SHCBP1: variants seen among roughly 807,000 people sequenced by gnomAD.
The protein encoded by SHCBP1 is SHC binding and spindle associated 1.
SHCBP1 carries 60 observed loss-of-function variants against 75.1 expected under a neutral mutation model. That is an observed-to-expected ratio of 0.80 (90% CI 0.65 to 0.99). The LOEUF (loss-of-function observed/expected upper bound fraction) is 0.99. Among genes scored for constraint, SHCBP1 ranks in the 50% least tolerant of loss-of-function variants. The probability of loss-of-function intolerance (pLI) is 0.00; values close to 1 mark genes in which losing one functional copy is unlikely to be tolerated. For synonymous variants in SHCBP1, 290 were observed against 293.2 expected (o/e 0.99, Z 0.11); for missense variants, 709 against 809.4 (o/e 0.88, Z 1.50).
At chr16:46,615,712 C>A (rs1265518307) in intron 4 of SHCBP1, among the ~76,000 whole-genome samples, 2 of 151,810 alleles carry the variant, frequency 1.3e-5, no homozygotes, top group Non-Finnish European at 2.9e-5. Context: ...TGCACTCCAG[C>A]CTGGACAACA....
At chr16:46,609,960 T>G (rs1282999624) in intron 4 of SHCBP1, among the ~76,000 whole-genome samples, 1 of 151,560 alleles carries the variant, frequency 6.6e-6, no homozygotes, top group Non-Finnish European at 1.5e-5. Flanking sequence ...TTGGATTTTT[T>G]TTTTTTTCAG....
intron 7 of SHCBP1, 77 bp from the exon 8 acceptor site, chr16:46,603,736 T>C (rs1965280085): frequency 1.3e-6 from 2 of 1,568,762 alleles, no homozygotes; most frequent in South Asian, 2.3e-5. Flanking sequence ...GGTGACTTCA[T>C]GTCTTACTTT....
rs992911878 is a variant in SHCBP1 at position 46,617,730 on chromosome 16, C to G, written c.291G>C (p.Glu97Asp). 5 of 1,612,480 alleles carry G rather than the reference C, an allele frequency of 3.1e-6. No individual in the cohort carries two copies. The African/African-American group carries it at 5.3e-5, about 17-fold the overall frequency. Residue 97 changes from glutamate (E) to aspartate (D), a missense_variant, in exon 3 of 13, where the codon GAG becomes GAC. By Grantham distance (45) the Glu-to-Asp change is conservative. Coordinates refer to ENST00000303383, the MANE Select transcript of SHCBP1 (RefSeq NM_024745.5). Reference protein sequence around the residue: ...DYILADCKASEVQEFTAEFLE... With the variant: ...DYILADCKASDVQEFTAEFLE... ...AGAACTCAGCTGTGAATTCCTGTAC[C>G]TCAGAGGCCTTGCAGTCAGCTACAA...
At chr16:46,587,262 C>A (rs1287254747) in intron 10 of SHCBP1, among the ~76,000 whole-genome samples, 1 of 152,050 alleles carries the variant, frequency 6.6e-6, no homozygotes, top group African/African-American at 2.4e-5. Context: ...ATATAATATA[C>A]AACCTAGGGC....
chr16:46,582,416 A>G (rs1212159328), intron 12 of SHCBP1, among the ~76,000 whole-genome samples: 1 of 152,238 alleles, frequency 6.6e-6, no homozygotes, highest in Non-Finnish European at 1.5e-5. Context: ...TAAATGGCAG[A>G]AGAATTTTGC....
At chr16:46,601,902 C>A (rs760014582) in intron 8 of SHCBP1, among the ~76,000 whole-genome samples, 18 of 152,136 alleles carry the variant, frequency 1.2e-4, no homozygotes, top group Non-Finnish European at 2.5e-4. Context: ...ACTATTGACA[C>A]CCTGCACATA....
In SHCBP1 at chr16:46,581,400, C is replaced by T. The variant is rs1596665946; in HGVS notation, c.*329G>A. 3.9e-6 allele frequency: 1 copy of T among 258,774 alleles called. No homozygotes were observed. Among genetic ancestry groups the T allele is most frequent in the East Asian group, 9.8e-5 (1 of 10,184 alleles). The allele number at this position is 258,774 out of a possible 1,614,324, so 16.0% of individuals were successfully genotyped here. A position where few individuals can be genotyped will look rare whatever the true frequency, so the allele number is the denominator to read the frequency against. ...TATGCACTAGTCTTGCATTCCCTTC[C>T]TTACTTCCTCGTCTTTGAAGTGCTA... On this transcript the variant is annotated 3_prime_UTR_variant, in exon 13 of 13. Coordinates refer to ENST00000303383, the MANE Select transcript of SHCBP1 (RefSeq NM_024745.5).
rs1418884156 is a variant in SHCBP1 at position 46,581,667 on chromosome 16, A to G, written c.*62T>C. On this transcript the variant is annotated 3_prime_UTR_variant, in exon 13 of 13. Coordinates refer to ENST00000303383, the MANE Select transcript of SHCBP1 (RefSeq NM_024745.5). ...CAATACAGCAAACTACAATGGCAGC[A>G]GTGATTCTTAGGGCAGCATGTGCAA... The G allele has an allele frequency of 4.3e-5, 60 of 1,388,198 alleles. No homozygotes were observed. Among genetic ancestry groups the G allele is most frequent in the Non-Finnish European group, 5.8e-5 (58 of 999,512 alleles). The allele number at this position is 1,388,198 out of a possible 1,614,324, so 86.0% of individuals were successfully genotyped here. A position where few individuals can be genotyped will look rare whatever the true frequency, so the allele number is the denominator to read the frequency against.
intron 10 of SHCBP1, among the ~76,000 whole-genome samples, chr16:46,593,813 G>A (rs557038381): frequency 5.3e-5 from 8 of 152,116 alleles, no homozygotes; most frequent in Non-Finnish European, 7.4e-5. Context: ...ATTGGAAGGC[G>A]TTAATCCTTC....
intron 10 of SHCBP1, among the ~76,000 whole-genome samples, chr16:46,585,156 A>G (rs1964937466): frequency 6.6e-6 from 1 of 152,214 alleles, no homozygotes; most frequent in African/African-American, 2.4e-5. Context: ...GTCAGGAATC[A>G]CATAAAATTT....
intron 5 of SHCBP1, among the ~76,000 whole-genome samples, chr16:46,606,947 A>G (rs1391110960): frequency 1.3e-5 from 2 of 151,794 alleles, no homozygotes; most frequent in South Asian, 2.1e-4. Flanking sequence ...CAGCCTCCCC[A>G]GCAGCTGGGA....
intron 10 of SHCBP1, among the ~76,000 whole-genome samples, chr16:46,587,640 T>A (rs1964973071): frequency 1.3e-5 from 2 of 152,170 alleles, no homozygotes; most frequent in Admixed American, 6.5e-5. Flanking sequence ...ATGCACCCAA[T>A]ACAGGAGCAC....
intron 10 of SHCBP1, among the ~76,000 whole-genome samples, chr16:46,586,718 T>G (rs922662850): frequency 2.0e-5 from 3 of 152,150 alleles, no homozygotes; most frequent in Admixed American, 1.3e-4. Flanking sequence ...AATTAAAATT[T>G]TATGCCTTAC....
intron 8 of SHCBP1, among the ~76,000 whole-genome samples, chr16:46,602,812 G>T (rs1965261891): frequency 2.0e-5 from 3 of 151,824 alleles, no homozygotes; most frequent in Admixed American, 2.0e-4. Flanking sequence ...TGTATTTTTA[G>T]TACCGACGGG....
intron 4 of SHCBP1, among the ~76,000 whole-genome samples, chr16:46,610,184 G>A (rs887779755): frequency 6.6e-6 from 1 of 151,872 alleles, no homozygotes; most frequent in African/African-American, 2.4e-5. Context: ...ACTGACCTCA[G>A]GCAACCCACC....
Position 46,603,983 on chromosome 16 carries a change from C to A in SHCBP1, c.1084G>T (p.Glu362Ter). The A allele has an allele frequency of 6.2e-7, 1 of 1,604,524 alleles. No individual in the cohort carries two copies. Among genetic ancestry groups the A allele is most frequent in the Non-Finnish European group, 8.5e-7 (1 of 1,177,756 alleles). The change falls in exon 7 of 13, where the codon GAA becomes TAA. Residue 362 changes from glutamate to a stop codon, truncating the protein, a stop_gained. Coordinates refer to ENST00000303383, the MANE Select transcript of SHCBP1 (RefSeq NM_024745.5). LOFTEE classifies it high-confidence loss of function. ...AGAAACTCTCCGTTTACCTGAATTT[C>A]TCTTTCTTCCTCACCAGGCTCCTGG... ...LCQEPGEEEREIQFHSDPLSA... is the reference protein window; with the variant it reads ...LCQEPGEEER
At position 46,580,711 on chromosome 16, in the gene SHCBP1, TATAATC is replaced by T. The variant is rs1476024930; in HGVS notation, c.*1012_*1017del. ...TTAATCATTTTGACTGTGTCAGTAA[TATAATC>T]AGAATACTGTAACGGTAAGAGAAAA... is the stretch of plus-strand genomic sequence containing the variant. On this transcript the variant is annotated 3_prime_UTR_variant, in exon 13 of 13. Coordinates refer to ENST00000303383, the MANE Select transcript of SHCBP1 (RefSeq NM_024745.5). 2.0e-5 allele frequency: 3 copies of T among 152,106 alleles called. No individual in the cohort carries two copies. Among genetic ancestry groups the T allele is most frequent in the African/African-American group, 7.2e-5 (3 of 41,428 alleles). The allele number at this position is 152,106 out of a possible 1,614,324, so 9.4% of individuals were successfully genotyped here.
At position 46,581,723 on chromosome 16, in the gene SHCBP1, C is replaced by A; in HGVS notation, c.*6G>T. On this transcript the variant is annotated 3_prime_UTR_variant, in exon 13 of 13. Coordinates refer to ENST00000303383, the MANE Select transcript of SHCBP1 (RefSeq NM_024745.5). ...AGTATTTTGCTATCTACTTACATCA[C>A]TGTAGTCAGAAAAGAAATGTGCCAA... 1 of 1,609,912 alleles carries A rather than the reference C, an allele frequency of 6.2e-7. No individual in the cohort carries two copies. Among genetic ancestry groups the A allele is most frequent in the Non-Finnish European group, 8.5e-7 (1 of 1,177,408 alleles).
intron 10 of SHCBP1, among the ~76,000 whole-genome samples, chr16:46,586,018 T>TA (rs1964950524): frequency 6.6e-6 from 1 of 152,200 alleles, no homozygotes; most frequent in African/African-American, 2.4e-5. Context: ...GAAGCCAAGT[T>TA]AAAACAGAAG....
Sources: gnomAD v4.1 joint callset for allele counts (sites outside exome capture counted in the v4.1 genomes callset) on GRCh38, gnomAD v4.1.1 for gene constraint, MANE v1.5 for transcripts, NCBI Gene and HGNC (gene_info 2026-07-23, HGNC 2026-07-21) for gene names.